The following MAP3K5 variants were observed in gnomAD, a reference collection of about 807,000 sequenced individuals.
MAP3K5 encodes the protein mitogen-activated protein kinase kinase kinase 5.
A neutral mutation model predicts 158.7 loss-of-function variants in MAP3K5; 56 were observed. The observed-to-expected ratio is 0.35, with a 90% CI of 0.28 to 0.44. The LOEUF is 0.44. MAP3K5 is among the 20% of genes least tolerant of loss of function. The probability of loss-of-function intolerance (pLI) is 1.00; values close to 1 mark genes in which losing one functional copy is unlikely to be tolerated. For missense variants in MAP3K5, 1,294 were observed against 1,674.8 expected (o/e 0.77, Z 3.97); for synonymous variants, 579 against 601.7 (o/e 0.96, Z 0.55).
intron 1 of MAP3K5, among the ~76,000 whole-genome samples, chr6:136,728,981 G>A (rs1347813570): frequency 3.3e-5 from 5 of 152,148 alleles, no homozygotes; most frequent in Non-Finnish European, 7.3e-5. Flanking sequence ...AAAAAAGGGA[G>A]AGGAAGGAGG....
chr6:136,785,832 C>T (rs1020538794), intron 1 of MAP3K5, among the ~76,000 whole-genome samples: 2 of 152,104 alleles, frequency 1.3e-5, no homozygotes, highest in South Asian at 2.1e-4. Context: ...AGAAAAGTCC[C>T]GGTTTTAGGT....
At chr6:136,788,293 G>T (rs1018016921) in intron 1 of MAP3K5, among the ~76,000 whole-genome samples, 9 of 152,166 alleles carry the variant, frequency 5.9e-5, no homozygotes, top group African/African-American at 2.2e-4. Flanking sequence ...ATGGATTAAG[G>T]TTTAAATGTA....
In MAP3K5 at chr6:136,609,725, G is replaced by A. The variant is rs1776249532; in HGVS notation, c.2521+1557C>T. Among the ~76,000 whole-genome samples the A allele has an allele frequency of 6.6e-6, 1 of 151,770 alleles. No homozygotes were observed. Among genetic ancestry groups the A allele is most frequent in the Non-Finnish European group, 1.5e-5 (1 of 67,962 alleles). On this transcript the variant is annotated intron_variant, in intron 18 of 29. Coordinates refer to ENST00000359015, the MANE Select transcript of MAP3K5 (RefSeq NM_005923.4). The surrounding 1 kb of genome is among the most constrained non-coding windows in gnomAD (Gnocchi z 4.4). The stretch of plus-strand genomic sequence containing the variant: ...AGGAGAATCACTTGAGCCCGGGGTA[G>A]GGGAGGTCACAGTGAGCAGAGATTA...
intron 1 of MAP3K5, among the ~76,000 whole-genome samples, chr6:136,721,174 C>A (rs1374976517): frequency 6.7e-6 from 1 of 149,696 alleles, no homozygotes; most frequent in African/African-American, 2.5e-5. Context: ...AATGCTCTCT[C>A]ATAAATTTCA....
At chr6:136,751,262 G>A (rs528820316) in intron 1 of MAP3K5, among the ~76,000 whole-genome samples, 17 of 151,918 alleles carry the variant, frequency 1.1e-4, no homozygotes, top group Middle Eastern at 6.8e-3. Flanking sequence ...GGGAATTATG[G>A]CAATATCTTT....
chr6:136,651,404 T>C (rs763797364), intron 10 of MAP3K5, among the ~76,000 whole-genome samples: 2 of 152,218 alleles, frequency 1.3e-5, no homozygotes, highest in Non-Finnish European at 2.9e-5. Flanking sequence ...CTTTAAAAAA[T>C]CTTCTATTTT....
At chr6:136,625,129 G>A (rs773363911) in intron 14 of MAP3K5, among the ~76,000 whole-genome samples, 19 of 152,156 alleles carry the variant, frequency 1.2e-4, no homozygotes, top group Admixed American at 6.5e-5. Context: ...AATCTAGGGC[G>A]GGAATTTGTC....
chr6:136,700,409 G>GT (rs1441372043), intron 3 of MAP3K5, among the ~76,000 whole-genome samples: 1 of 152,106 alleles, frequency 6.6e-6, no homozygotes, highest in Non-Finnish European at 1.5e-5. Context: ...AAAGGGTAAG[G>GT]CATCAAAGGC....
chr6:136,666,929 ATGTT>A (rs1024757279), intron 8 of MAP3K5, among the ~76,000 whole-genome samples: 37 of 152,232 alleles, frequency 2.4e-4, no homozygotes, highest in Non-Finnish European at 4.4e-4. Context: ...ATGTTTTCAA[ATGTT>A]TGTTTAACAT....
intron 1 of MAP3K5, among the ~76,000 whole-genome samples, chr6:136,763,576 A>T (rs2114977950): frequency 6.6e-6 from 1 of 152,354 alleles, no homozygotes; most frequent in South Asian, 2.1e-4. Flanking sequence ...TGCTGAATCT[A>T]TTCAGGTACC....
intron 2 of MAP3K5, among the ~76,000 whole-genome samples, chr6:136,718,004 T>A (rs1369088013): frequency 6.6e-6 from 1 of 152,170 alleles, no homozygotes; most frequent in African/African-American, 2.4e-5. Flanking sequence ...ATGATATAAT[T>A]TTAACTAGAA....
chr6:136,588,043 G>C (rs1282339031), intron 23 of MAP3K5, among the ~76,000 whole-genome samples: 1 of 152,134 alleles, frequency 6.6e-6, no homozygotes, highest in Non-Finnish European at 1.5e-5. Context: ...CATTCTTTGG[G>C]GGTAATTAGA....
At chr6:136,567,391 C>A (rs776249848) in intron 26 of MAP3K5, among the ~76,000 whole-genome samples, 1 of 152,150 alleles carries the variant, frequency 6.6e-6, no homozygotes, top group Non-Finnish European at 1.5e-5. Context: ...TTGGAAAAAT[C>A]TTAGGGCACC....
intron 17 of MAP3K5, 77 bp from the exon 18 acceptor site, chr6:136,611,464 T>TA: frequency 3.9e-6 from 3 of 763,878 alleles, no homozygotes; most frequent in South Asian, 3.7e-5. Flanking sequence ...TAAGTCCAAT[T>TA]TAAAAAAAAA....
intron 26 of MAP3K5, among the ~76,000 whole-genome samples, chr6:136,566,418 AC>A (rs1562509930): frequency 6.6e-5 from 10 of 152,134 alleles, no homozygotes; most frequent in Non-Finnish European, 1.5e-4. Flanking sequence ...AGTCCAAAAA[AC>A]ACCACCACTC....
At position 136,561,575 on chromosome 6, in the gene MAP3K5, G is replaced by C; in HGVS notation, c.3945C>G (p.Asp1315Glu). 1.9e-6 allele frequency: 3 copies of C among 1,613,978 alleles called. No homozygotes were observed. The highest frequency in any genetic ancestry group is 2.5e-6 in the Non-Finnish European group (3 of 1,179,826). ...CATCAGCTCCATTCACTCTCAGCCA[G>C]TCGGTAAGTTCAGAATCTTCAGTAT... Reference protein sequence around the residue: ...GTNTEDSELTDWLRVNGADED... With the variant: ...GTNTEDSELTEWLRVNGADED... Residue 1315 changes from aspartate to glutamate, a missense_variant, in exon 28 of 30, where the codon GAC (aspartate) becomes GAG (glutamate). Asp to Glu is a conservative substitution (Grantham distance 45). This residue lies in a region of MAP3K5 where 199 missense variants were observed against 220.3 expected (regional missense o/e 0.90). Transcript: ENST00000359015.
chr6:136,781,745 C>G (rs1387609652), intron 1 of MAP3K5, among the ~76,000 whole-genome samples: 1 of 152,308 alleles, frequency 6.6e-6, no homozygotes, highest in South Asian at 2.1e-4. Context: ...TCTGACCCAA[C>G]TGCATAAAAT....
At chr6:136,725,624 T>C (rs1428953368) in intron 1 of MAP3K5, among the ~76,000 whole-genome samples, 1 of 152,232 alleles carries the variant, frequency 6.6e-6, no homozygotes, top group East Asian at 1.9e-4. Context: ...GATATGCAAT[T>C]TGCAGATACT....
chr6:136,594,395 G>T (rs1003187486), intron 21 of MAP3K5, among the ~76,000 whole-genome samples: 7 of 152,144 alleles, frequency 4.6e-5, no homozygotes, highest in Non-Finnish European at 8.8e-5. Flanking sequence ...AGTGTGCCTT[G>T]TTTCACTTTA....
Sources: gnomAD v4.1 joint callset for allele counts (sites outside exome capture counted in the v4.1 genomes callset) on GRCh38, gnomAD v4.1.1 for gene constraint, gnomAD v4.1.1 regional missense constraint, Gnocchi (gnomAD v3.1) non-coding constraint, MANE v1.5 for transcripts, NCBI Gene and HGNC (gene_info 2026-07-23, HGNC 2026-07-21) for gene names.